Variants in ONECUT3 observed in about 807,000 individuals in gnomAD.
ONECUT3 encodes the protein one cut homeobox 3, also known as one cut domain family member 3.
Under a neutral mutation model 16.8 loss-of-function variants are expected in ONECUT3, and 11 were observed. The observed-to-expected ratio is 0.66, with a 90% confidence interval of 0.41 to 1.09. The LOEUF is 1.09. Ranked by LOEUF, ONECUT3 falls within the 50% of genes least tolerant of loss-of-function variation. The probability of loss-of-function intolerance (pLI) is 0.00; values close to 1 mark genes in which losing one functional copy is unlikely to be tolerated. For synonymous variants in ONECUT3, 344 were observed against 310.7 expected (o/e 1.11, Z -1.13); for missense variants, 637 against 629.9 (o/e 1.01, Z -0.12).
rs2067908183 is a variant in ONECUT3, at chr19:1,754,848, T to C, written c.1186T>C (p.Leu396=). The part of the protein sequence containing the change: ...PEFQRMSALR[L]AACKRKEQEQ... ...GTTCCAGCGCATGTCGGCGCTGCGC[T>C]TGGCAGGTAGGAGCGTGGCGCGCAG... is the stretch of plus-strand genomic sequence containing the variant. Residue 396 remains leucine (L), a synonymous_variant, in exon 1 of 2, where the codon TTG becomes CTG. Transcript: ENST00000382349. The surrounding 1 kb of genome is among the most constrained non-coding windows in gnomAD (Gnocchi z 7.4). 6 of 1,493,314 alleles carry C rather than the reference T, an allele frequency of 4.0e-6. No homozygotes were observed. The highest frequency in any genetic ancestry group is 2.1e-5 in the Admixed American group (1 of 48,162). 92.5% of individuals were successfully genotyped at this position (1,493,314 alleles called of 1,614,324 possible). A position where few individuals can be genotyped will look rare whatever the true frequency, so the allele number is the denominator to read the frequency against.
intron 1 of ONECUT3, among the ~76,000 whole-genome samples, chr19:1,769,914 G>A (rs373118915): frequency 6.6e-6 from 1 of 152,090 alleles, no homozygotes; most frequent in Non-Finnish European, 1.5e-5. Context: ...GTCCCCATTA[G>A]GCACCAGATT....
chr19:1,765,799 C>T (rs949881303), intron 1 of ONECUT3, among the ~76,000 whole-genome samples: 1 of 152,192 alleles, frequency 6.6e-6, no homozygotes. Flanking sequence ...AGCCCACCCG[C>T]GTCCCCATGG....
rs1303861447 is a variant in ONECUT3 at position 1,759,135 on chromosome 19, C to G, written c.1192+4281C>G. 1.3e-5 allele frequency among the ~76,000 whole-genome samples: 2 copies of G among 152,076 alleles called. No homozygotes were observed. The highest frequency in any genetic ancestry group is 2.9e-5 in the Non-Finnish European group (2 of 68,016). On this transcript the variant is annotated intron_variant, in intron 1 of 1. Coordinates refer to ENST00000382349, the MANE Select transcript of ONECUT3 (RefSeq NM_001080488.2). The surrounding 1 kb of genome is among the most constrained non-coding windows in gnomAD (Gnocchi z 4.1). Reference sequence around the variant, plus strand: ...TTGCCCTTAAGCAGAACGAAGTGTCCTAGGGACAAAAACCAGAGCTGTGTA... The same window carrying G: ...TTGCCCTTAAGCAGAACGAAGTGTCGTAGGGACAAAAACCAGAGCTGTGTA...
intron 1 of ONECUT3, among the ~76,000 whole-genome samples, chr19:1,769,320 G>A (rs2068032173): frequency 6.6e-6 from 1 of 151,838 alleles, no homozygotes; most frequent in African/African-American, 2.4e-5. Flanking sequence ...GACATTGGTG[G>A]TGCAGGAGTG....
intron 1 of ONECUT3, among the ~76,000 whole-genome samples, chr19:1,771,988 ATTATTTAT>A (rs61311263): frequency 0.024 from 3,421 of 141,352 alleles, 102 homozygotes; most frequent in African/African-American, 0.06. Context: ...CTATTTAGTT[ATTATTTAT>A]TTATTTATTT....
chr19:1,775,438 A>T lies in ONECUT3; in HGVS notation c.1478A>T (p.Lys493Met), dbSNP rs768785995. 8 of 1,493,210 alleles carry T rather than the reference A, an allele frequency of 5.4e-6. No homozygotes were observed. The highest frequency in any genetic ancestry group is 6.2e-6 in the Non-Finnish European group (7 of 1,126,302). 92.5% of individuals were successfully genotyped at this position (1,493,210 alleles called of 1,614,324 possible). Residue 493 changes from lysine to methionine, a missense_variant, in exon 2 of 2, where the codon AAG becomes ATG. Physicochemically the swap from Lys to Met is moderately conservative, Grantham distance 95. Around this residue, in one of 3 missense-constraint regions of ONECUT3, gnomAD observed 183 missense variants for 188.3 expected, o/e 0.97. Coordinates refer to ENST00000382349, the MANE Select transcript of ONECUT3 (RefSeq NM_001080488.2). ...GCCGGCGCCACGGCCACTTTCTCCA[A>T]GGCCTGAGGCGCCCCGGCCCCGCGC... ...GPAGATATFS[K>M]A
intron 1 of ONECUT3, among the ~76,000 whole-genome samples, chr19:1,772,043 C>G (rs773147051): frequency 5.3e-5 from 8 of 150,086 alleles, no homozygotes; most frequent in Non-Finnish European, 8.9e-5. Context: ...GAGACGGAGT[C>G]TCGCTCTGTT....
Position 1,755,438 on chromosome 19 carries a change from CG to C in ONECUT3, c.1192+585del, listed in dbSNP as rs892957950. Among the ~76,000 whole-genome samples the C allele has an allele frequency of 6.6e-6, 1 of 152,008 alleles. No individual in the cohort carries two copies. The highest frequency in any genetic ancestry group is 1.5e-5 in the Non-Finnish European group (1 of 67,972). On this transcript the variant is annotated intron_variant, in intron 1 of 1. Coordinates refer to ENST00000382349, the MANE Select transcript of ONECUT3 (RefSeq NM_001080488.2). The surrounding 1 kb of genome is among the most constrained non-coding windows in gnomAD (Gnocchi z 7.5). ...CTTCTTTGTAGTTCGGCCCCGCGAT[CG>C]ATACCCCCTCCCTCTCCCCTCCGGC...
rs926328857 is a variant in ONECUT3 at position 1,780,527 on chromosome 19, G to C, written c.*5082G>C. On this transcript the variant is annotated 3_prime_UTR_variant, in exon 2 of 2. Coordinates refer to ENST00000382349, the MANE Select transcript of ONECUT3 (RefSeq NM_001080488.2). ...GCCGCTTTTGGGACAGGCCCCAGTA[G>C]GGGGGGGCGGGGTAGCTAAACGGGG... 1 of 142,574 alleles carries C rather than the reference G, an allele frequency of 7.0e-6. No individual in the cohort carries two copies. The highest frequency in any genetic ancestry group is 1.5e-5 in the Non-Finnish European group (1 of 65,622). 8.8% of individuals were successfully genotyped at this position (142,574 alleles called of 1,614,324 possible). A position where few individuals can be genotyped will look rare whatever the true frequency, so the allele number is the denominator to read the frequency against.
rs1156418450 is a variant in ONECUT3 at position 1,780,781 on chromosome 19, T to C, written c.*5336T>C. ...TGTCAGACCACGCAGGGGCTGGTTT[T>C]GGTGGAATGAGCTCAGCCGGGGGTG... On this transcript the variant is annotated 3_prime_UTR_variant, in exon 2 of 2. Coordinates refer to ENST00000382349, the MANE Select transcript of ONECUT3 (RefSeq NM_001080488.2). 2.0e-5 allele frequency: 3 copies of C among 152,200 alleles called. No individual in the cohort carries two copies. The highest frequency in any genetic ancestry group is 4.4e-5 in the Non-Finnish European group (3 of 68,084). 9.4% of individuals were successfully genotyped at this position (152,200 alleles called of 1,614,324 possible).
rs1364590291 is a variant in ONECUT3, at chr19:1,775,283, G to T, written c.1323G>T (p.Lys441Asn). Residue 441 changes from lysine to asparagine, a missense_variant, in exon 2 of 2, where the codon AAG becomes AAT. Transcript: ENST00000382349. ...AIFKENKRPS[K>N]EMQVTISQQL... ...TCAAGGAGAACAAGCGGCCGTCCAA[G>T]GAGATGCAGGTCACCATCTCGCAGC... 6.2e-7 allele frequency: 1 copy of T among 1,605,322 alleles called. No individual in the cohort carries two copies. The highest frequency in any genetic ancestry group is 1.3e-5 in the African/African-American group (1 of 74,492).
intron 1 of ONECUT3, among the ~76,000 whole-genome samples, chr19:1,774,261 A>G (rs1242234779): frequency 6.6e-6 from 1 of 151,910 alleles, no homozygotes; most frequent in African/African-American, 2.4e-5. Context: ...GCCTTACAGG[A>G]GTGTCGCTGC....
At chr19:1,765,354 G>A (rs2067977096) in intron 1 of ONECUT3, among the ~76,000 whole-genome samples, 1 of 152,152 alleles carries the variant, frequency 6.6e-6, no homozygotes, top group Non-Finnish European at 1.5e-5. Flanking sequence ...CCTGGGCCTG[G>A]TCTTCTGGTC....
intron 1 of ONECUT3, among the ~76,000 whole-genome samples, chr19:1,763,718 T>C (rs2067960294): frequency 6.8e-6 from 1 of 147,436 alleles, no homozygotes; most frequent in Non-Finnish European, 1.5e-5. Flanking sequence ...AAATTCTTTT[T>C]ATTTCCCTTT....
Position 1,754,096 on chromosome 19 carries a change from C to G in ONECUT3, c.434C>G (p.Pro145Arg). 25 of 1,013,798 alleles carry G rather than the reference C, an allele frequency of 2.5e-5. No individual in the cohort carries two copies. The highest frequency in any genetic ancestry group is 2.8e-5 in the Non-Finnish European group (24 of 851,256). 62.8% of individuals were successfully genotyped at this position (1,013,798 alleles called of 1,614,324 possible). A position where few individuals can be genotyped will look rare whatever the true frequency, so the allele number is the denominator to read the frequency against. Residue 145 changes from proline (P) to arginine (R), a missense_variant, in exon 1 of 2, where the codon CCG (proline) becomes CGG (arginine). Around this residue, in one of 3 missense-constraint regions of ONECUT3, gnomAD observed 419 missense variants for 377.9 expected, o/e 1.11. Transcript: ENST00000382349. This position sits in a 1 kb window ranked among gnomAD's most constrained non-coding sequence, Gnocchi z 7.4. Reference sequence around the variant, plus strand: ...CACGGCGGCCATCCCCACGCGCACCCGCACCCGGCGGCCGCGCCGCCCCCG... The same window carrying G: ...CACGGCGGCCATCCCCACGCGCACCGGCACCCGGCGGCCGCGCCGCCCCCG... ...GAHGGHPHAH[P>R]HPAAAPPPPP... is the part of the protein sequence containing the mutation.
In ONECUT3 at chr19:1,763,366, CAAAAAAAAAAAAA is replaced by C. The variant is rs201101328; in HGVS notation, c.1192+8530_1192+8542del. ...TGGGTGACAGAGTGAGACTCCATCT[CAAAAAAAAAAAAA>C]AAAAAAAAAAAAAAAAATTAGCCAG... On this transcript the variant is annotated intron_variant, in intron 1 of 1. Transcript: ENST00000382349. Among the ~76,000 whole-genome samples the C allele has an allele frequency of 6.0e-4, 22 of 36,840 alleles. 1 individual carries two copies. Among genetic ancestry groups the C allele is most frequent in the Admixed American group, 3.6e-3 (7 of 1,932 alleles). The allele number at this position is 36,840 out of a possible 152,430, so 24.2% of individuals were successfully genotyped here.
chr19:1,772,340 T>C (rs1337907107), intron 1 of ONECUT3, among the ~76,000 whole-genome samples: 1 of 152,048 alleles, frequency 6.6e-6, no homozygotes, highest in African/African-American at 2.4e-5. Flanking sequence ...AAATTATTTA[T>C]TTTAAAAGAG....
rs752292815 is a variant in ONECUT3, at chr19:1,766,319, C to T, written c.1193-8834C>T. The stretch of plus-strand genomic sequence containing the variant: ...CCCTCAGCCCGCACGCGGCCAACGT[C>T]AGGCGCGCGCAGAGGCACCCACGGG... On this transcript the variant is annotated intron_variant, in intron 1 of 1. Coordinates refer to ENST00000382349, the MANE Select transcript of ONECUT3 (RefSeq NM_001080488.2). This position sits in a 1 kb window ranked among gnomAD's most constrained non-coding sequence, Gnocchi z 4.0. Among the ~76,000 whole-genome samples the T allele has an allele frequency of 1.6e-4, 25 of 152,206 alleles. No homozygotes were observed. The highest frequency in any genetic ancestry group is 2.5e-4 in the Non-Finnish European group (17 of 68,038).
Position 1,775,450 on chromosome 19 carries a change from C to T in ONECUT3, c.*5C>T. The T allele has an allele frequency of 6.8e-7, 1 of 1,468,692 alleles. No homozygotes were observed. The allele number at this position is 1,468,692 out of a possible 1,614,324, so 91.0% of individuals were successfully genotyped here. The stretch of plus-strand genomic sequence containing the variant: ...GCCACTTTCTCCAAGGCCTGAGGCG[C>T]CCCGGCCCCGCGCCCTCCCTGCCTC... On this transcript the variant is annotated 3_prime_UTR_variant, in exon 2 of 2. Transcript: ENST00000382349.
Sources: allele counts gnomAD v4.1 joint callset (sites outside exome capture counted in the v4.1 genomes callset), GRCh38; gene constraint gnomAD v4.1.1; regional missense constraint gnomAD v4.1.1; non-coding constraint Gnocchi (gnomAD v3.1); transcripts MANE v1.5; gene names NCBI Gene and HGNC (gene_info 2026-07-23, HGNC 2026-07-21).